The following NRG1 variants were observed in gnomAD, a reference collection of about 807,000 sequenced individuals.
NRG1 encodes pro-neuregulin-1, membrane-bound isoform.
NRG1 carries 18 observed loss-of-function variants against 63.8 expected under a neutral mutation model. That is an observed-to-expected ratio of 0.28 (90% CI 0.19 to 0.42). The LOEUF is 0.42. NRG1 is among the 10% of genes least tolerant of loss of function. The pLI, the probability that NRG1 is intolerant of heterozygous loss-of-function variation, is 1.00. For missense variants in NRG1, 762 were observed against 814.7 expected, an observed-to-expected ratio of 0.94 and a Z score of 0.79; for synonymous variants, 302 against 301.3, an observed-to-expected ratio of 1.00 and a Z score of -0.02.
chr8:32,172,911 ACT>A (rs1473116860), intron 1 of NRG1, among the ~76,000 whole-genome samples: 1 of 152,148 alleles, frequency 6.6e-6, no homozygotes, highest in African/African-American at 2.4e-5. Context: ...GTTCGAAAAC[ACT>A]CTGCAGGATA....
chr8:32,132,167 CT>C (rs1668654734), intron 1 of NRG1, among the ~76,000 whole-genome samples: 1 of 151,962 alleles, frequency 6.6e-6, no homozygotes, highest in Non-Finnish European at 1.5e-5. Context: ...CAATGGGAGG[CT>C]TATTAGGAAT....
At chr8:32,003,992 A>G (rs952215116) in intron 1 of NRG1, among the ~76,000 whole-genome samples, 2 of 152,006 alleles carry the variant, frequency 1.3e-5, no homozygotes, top group Non-Finnish European at 2.9e-5. Context: ...ACCACTTAAG[A>G]TGTGCTTTGA....
At chr8:32,257,174 A>G (rs374296968) in intron 1 of NRG1, among the ~76,000 whole-genome samples, 2 of 152,274 alleles carry the variant, frequency 1.3e-5, no homozygotes, top group African/African-American at 2.4e-5. Flanking sequence ...TCAGACTGCT[A>G]TGCTGGCAGC....
intron 1 of NRG1, among the ~76,000 whole-genome samples, chr8:32,354,365 T>C (rs1806066063): frequency 8.1e-6 from 1 of 123,906 alleles, no homozygotes; most frequent in African/African-American, 3.0e-5. Flanking sequence ...TGAGACTCCA[T>C]CTCAAAAAAC....
At chr8:32,031,623 C>A (rs981400541) in intron 1 of NRG1, among the ~76,000 whole-genome samples, 8 of 152,148 alleles carry the variant, frequency 5.3e-5, no homozygotes, top group South Asian at 2.1e-4. Flanking sequence ...TCTTGCCCCC[C>A]ATGACAGGCC....
chr8:32,041,938 A>G (rs900703711), intron 1 of NRG1, among the ~76,000 whole-genome samples: 1 of 152,172 alleles, frequency 6.6e-6, no homozygotes, highest in Non-Finnish European at 1.5e-5. Context: ...AGACTTTGAA[A>G]GTGAATTTTG....
intron 1 of NRG1, among the ~76,000 whole-genome samples, chr8:31,973,950 T>A (rs1311607360): frequency 6.6e-6 from 1 of 151,992 alleles, no homozygotes; most frequent in Non-Finnish European, 1.5e-5. Flanking sequence ...TTTTCAAGAG[T>A]GAGAATCATG....
chr8:32,455,669 C>G (rs1436060516), intron 1 of NRG1, among the ~76,000 whole-genome samples: 1 of 152,144 alleles, frequency 6.6e-6, no homozygotes, highest in Non-Finnish European at 1.5e-5. Context: ...GATTTAGATA[C>G]CAATTAGGTT....
At chr8:32,745,164 C>T (rs1480406129) in intron 7 of NRG1, among the ~76,000 whole-genome samples, 2 of 151,974 alleles carry the variant, frequency 1.3e-5, no homozygotes, top group African/African-American at 4.8e-5. Flanking sequence ...ATTTGTGCTG[C>T]TCTAAGAACT....
intron 1 of NRG1, among the ~76,000 whole-genome samples, chr8:32,162,331 C>T (rs543223396): frequency 1.7e-4 from 26 of 152,222 alleles, no homozygotes; most frequent in Middle Eastern, 3.4e-3. Context: ...ATAGTTAGAT[C>T]GATCATCTTA....
At chr8:31,654,782 A>G (rs1805262682) in intron 1 of NRG1, among the ~76,000 whole-genome samples, 1 of 152,156 alleles carries the variant, frequency 6.6e-6, no homozygotes, top group Non-Finnish European at 1.5e-5. Context: ...TGCAGAAACA[A>G]AAAATTAAAT....
At chr8:31,777,033 G>A (rs908931862) in intron 1 of NRG1, among the ~76,000 whole-genome samples, 2 of 152,072 alleles carry the variant, frequency 1.3e-5, no homozygotes, top group African/African-American at 4.8e-5. Flanking sequence ...TATGTTTATT[G>A]TGGCACTATT....
chr8:31,752,251 T>G (rs1000288463), intron 1 of NRG1, among the ~76,000 whole-genome samples: 5 of 152,066 alleles, frequency 3.3e-5, no homozygotes, highest in African/African-American at 9.7e-5. Context: ...GTGGAAGTTA[T>G]GGGCAAGAGA....
chr8:32,642,668 T>C (rs542917618), intron 5 of NRG1, among the ~76,000 whole-genome samples: 11 of 152,320 alleles, frequency 7.2e-5, no homozygotes, highest in African/African-American at 2.6e-4. Context: ...TCTCTCCAAA[T>C]GAAACGACTG....
intron 1 of NRG1, among the ~76,000 whole-genome samples, chr8:31,874,923 A>C (rs530748899): frequency 6.6e-6 from 1 of 152,310 alleles, no homozygotes; most frequent in South Asian, 2.1e-4. Context: ...CTTTTCTTTA[A>C]AATCATATTT....
intron 1 of NRG1, among the ~76,000 whole-genome samples, chr8:32,116,967 T>G (rs1181767461): frequency 9.0e-6 from 1 of 111,560 alleles, no homozygotes; most frequent in East Asian, 2.5e-4. Context: ...AGACCCTGTC[T>G]CTACAAAAAA....
intron 1 of NRG1, among the ~76,000 whole-genome samples, chr8:32,498,482 C>A (rs552304842): frequency 2.0e-5 from 3 of 151,994 alleles, no homozygotes; most frequent in African/African-American, 7.3e-5. Flanking sequence ...AAGTGCTGAG[C>A]AAAAAGGGGA....
intron 5 of NRG1, among the ~76,000 whole-genome samples, chr8:32,617,850 A>T (rs959862869): frequency 6.6e-6 from 1 of 152,186 alleles, no homozygotes; most frequent in Non-Finnish European, 1.5e-5. Context: ...TGTTTAAATA[A>T]ATCCTGTTTG....
At chr8:32,405,968 T>C (rs1365277244) in intron 1 of NRG1, among the ~76,000 whole-genome samples, 1 of 152,202 alleles carries the variant, frequency 6.6e-6, no homozygotes, top group Non-Finnish European at 1.5e-5. Context: ...AAAAGACGCA[T>C]AGAAAATAAA....
Sources: allele counts gnomAD v4.1 joint callset (sites outside exome capture counted in the v4.1 genomes callset), GRCh38; gene constraint gnomAD v4.1.1; transcripts MANE v1.5; gene names NCBI Gene and HGNC (gene_info 2026-07-23, HGNC 2026-07-21).